Variants in CDH20 observed in about 807,000 individuals in gnomAD.
CDH20 encodes cadherin-20.
Under a neutral mutation model 74.2 loss-of-function variants are expected in CDH20, and 29 were observed. That is an observed-to-expected ratio of 0.39 (90% confidence interval 0.29 to 0.53). The LOEUF (loss-of-function observed/expected upper bound fraction) is 0.53, where lower values mean the gene tolerates loss of function less well. CDH20 is among the 20% of genes least tolerant of loss of function. CDH20 has a pLI of 0.69. For synonymous variants in CDH20, 469 were observed against 405.4 expected, an observed-to-expected ratio of 1.16 and a Z score of -1.88; for missense variants, 988 against 1,048.3, an observed-to-expected ratio of 0.94 and a Z score of 0.79.
intron 1 of CDH20, among the ~76,000 whole-genome samples, chr18:61,437,989 T>C (rs947300136): frequency 6.6e-6 from 1 of 152,156 alleles, no homozygotes; most frequent in Non-Finnish European, 1.5e-5. Flanking sequence ...AAAGAGAGGA[T>C]TTGAGCAGTA....
intron 1 of CDH20, among the ~76,000 whole-genome samples, chr18:61,393,722 C>A (rs1911868297): frequency 6.6e-6 from 1 of 152,144 alleles, no homozygotes; most frequent in Admixed American, 6.6e-5. Context: ...TTATTTGCTA[C>A]TTCACGTTCA....
chr18:61,456,372 G>C (rs1307353132), intron 1 of CDH20, among the ~76,000 whole-genome samples: 1 of 151,872 alleles, frequency 6.6e-6, no homozygotes, highest in Non-Finnish European at 1.5e-5. Flanking sequence ...TTTTGTCATT[G>C]TTCCTGGGTA....
chr18:61,515,794 G>A (rs1409010067), intron 6 of CDH20, among the ~76,000 whole-genome samples: 1 of 132,650 alleles, frequency 7.5e-6, no homozygotes, highest in Admixed American at 7.8e-5. Flanking sequence ...CGGGGGAGGG[G>A]GGAGGGATAG....
chr18:61,513,231 T>A (rs1342249183), intron 6 of CDH20, among the ~76,000 whole-genome samples: 1 of 145,786 alleles, frequency 6.9e-6, no homozygotes, highest in Non-Finnish European at 1.5e-5. Flanking sequence ...CTCTTCTTGT[T>A]GAATTGATCC....
intron 1 of CDH20, among the ~76,000 whole-genome samples, chr18:61,363,291 A>G (rs528626939): frequency 2.6e-5 from 4 of 152,326 alleles, no homozygotes; most frequent in African/African-American, 9.6e-5. Context: ...GGTTGTTTAC[A>G]GAAGCCCTCG....
chr18:61,449,456 A>G (rs1909309753), intron 1 of CDH20, among the ~76,000 whole-genome samples: 1 of 152,014 alleles, frequency 6.6e-6, no homozygotes, highest in African/African-American at 2.4e-5. Context: ...ATTGTCTCTG[A>G]TTCTCACATG....
chr18:61,375,207 C>T (rs927914269), intron 1 of CDH20, among the ~76,000 whole-genome samples: 4 of 152,104 alleles, frequency 2.6e-5, no homozygotes, highest in Non-Finnish European at 2.9e-5. Flanking sequence ...ACTGATATAG[C>T]GGTAGCAGAT....
At chr18:61,438,287 G>A (rs1908902754) in intron 1 of CDH20, among the ~76,000 whole-genome samples, 1 of 152,112 alleles carries the variant, frequency 6.6e-6, no homozygotes, top group African/African-American at 2.4e-5. Context: ...CTGGCATCAT[G>A]TGTGCTTGGG....
At chr18:61,488,847 C>T (rs1910858637) in intron 1 of CDH20, among the ~76,000 whole-genome samples, 2 of 152,210 alleles carry the variant, frequency 1.3e-5, no homozygotes, top group Admixed American at 1.3e-4. Flanking sequence ...TTCCCAAACA[C>T]CTCCCTGTAG....
intron 6 of CDH20, among the ~76,000 whole-genome samples, chr18:61,507,878 T>C (rs879417754): frequency 2.0e-5 from 3 of 152,212 alleles, no homozygotes; most frequent in Non-Finnish European, 4.4e-5. Context: ...TGTTAATGAC[T>C]TGATCAACAT....
At chr18:61,504,834 A>G (rs1359106419) in intron 5 of CDH20, among the ~76,000 whole-genome samples, 3 of 152,020 alleles carry the variant, frequency 2.0e-5, no homozygotes, top group Non-Finnish European at 2.9e-5. Context: ...GATCTCAAAT[A>G]TTTACATGCA....
At chr18:61,457,996 A>C (rs1271714584) in intron 1 of CDH20, among the ~76,000 whole-genome samples, 1 of 152,152 alleles carries the variant, frequency 6.6e-6, no homozygotes. Flanking sequence ...AACACTCTTA[A>C]ATAAGACCCA....
intron 1 of CDH20, among the ~76,000 whole-genome samples, chr18:61,371,976 A>C (rs75179237): frequency 0.039 from 6,002 of 152,216 alleles, 172 homozygotes; most frequent in South Asian, 0.084. Context: ...ATGTTCTTAA[A>C]TATCCCTGTG....
chr18:61,523,248 G>A (rs1912274116), intron 6 of CDH20, among the ~76,000 whole-genome samples: 1 of 149,348 alleles, frequency 6.7e-6, no homozygotes, highest in Non-Finnish European at 1.5e-5. Flanking sequence ...ACATCAAAAA[G>A]CGGGCAAAGG....
chr18:61,389,648 C>T (rs1471780381), intron 1 of CDH20, among the ~76,000 whole-genome samples: 2 of 152,168 alleles, frequency 1.3e-5, no homozygotes, highest in Non-Finnish European at 2.9e-5. Flanking sequence ...TAAAACATCC[C>T]CATTCTTGCT....
chr18:61,357,930 T>C (rs1910546784), intron 1 of CDH20, among the ~76,000 whole-genome samples: 1 of 152,104 alleles, frequency 6.6e-6, no homozygotes, highest in Non-Finnish European at 1.5e-5. Flanking sequence ...CTCTTGATTC[T>C]AGCAGTTGCT....
At chr18:61,356,903 C>T (rs369852201) in intron 1 of CDH20, among the ~76,000 whole-genome samples, 2 of 152,134 alleles carry the variant, frequency 1.3e-5, no homozygotes, top group South Asian at 4.2e-4. Context: ...CCCAAGTATC[C>T]CTATACTGCT....
intron 1 of CDH20, among the ~76,000 whole-genome samples, chr18:61,413,152 T>C (rs1912567273): frequency 6.6e-6 from 1 of 152,154 alleles, no homozygotes; most frequent in Non-Finnish European, 1.5e-5. Context: ...CAAAATGTTT[T>C]AATTTTATCT....
rs559545922 is a variant in CDH20 at position 61,353,482 on chromosome 18, C to T, written c.-153+19655C>T. The stretch of plus-strand genomic sequence containing the variant: ...AATACCAGTACTAATCATTTGTCTA[C>T]TTGTGGTCCTCTTGTTTTTTCTAGA... On this transcript the variant is annotated intron_variant, in intron 1 of 11. Coordinates refer to ENST00000262717, the MANE Select transcript of CDH20 (RefSeq NM_031891.4). This position sits in a 1 kb window ranked among gnomAD's most constrained non-coding sequence, Gnocchi z 4.6. 1.3e-5 allele frequency among the ~76,000 whole-genome samples: 2 copies of T among 152,338 alleles called. No individual in the cohort carries two copies. The highest frequency in any genetic ancestry group is 2.9e-5 in the Non-Finnish European group (2 of 68,038).
Sources: gnomAD v4.1 joint callset for allele counts (sites outside exome capture counted in the v4.1 genomes callset) on GRCh38, gnomAD v4.1.1 for gene constraint, Gnocchi (gnomAD v3.1) non-coding constraint, MANE v1.5 for transcripts, NCBI Gene and HGNC (gene_info 2026-07-23, HGNC 2026-07-21) for gene names.